Variants in ANK2 observed in about 807,000 individuals in gnomAD.
ANK2 encodes the protein ankyrin 2, also known as ankyrin-2.
A neutral mutation model predicts 360.5 loss-of-function variants in ANK2; 83 were observed. That is an observed-to-expected ratio of 0.23 (90% CI 0.19 to 0.28). ANK2 has a LOEUF of 0.28. ANK2 is among the 10% of genes least tolerant of loss of function. ANK2 has a pLI of 1.00. For missense variants in ANK2, 4,201 were observed against 4,795.7 expected (o/e 0.88, Z 3.66); for synonymous variants, 1,740 against 1,759.5 (o/e 0.99, Z 0.28).
chr4:113,080,721 C>T (rs951780781), intron 1 of ANK2, among the ~76,000 whole-genome samples: 10 of 152,142 alleles, frequency 6.6e-5, no homozygotes, highest in African/African-American at 2.4e-4. Context: ...GCCATGTCAC[C>T]TGTTGTTTCG....
intron 1 of ANK2, among the ~76,000 whole-genome samples, chr4:112,883,732 C>G (rs2077451117): frequency 1.3e-5 from 2 of 151,898 alleles, no homozygotes; most frequent in Non-Finnish European, 2.9e-5. Flanking sequence ...ACTTAGAACT[C>G]CATATTGCAG....
chr4:113,278,477 C>G lies in ANK2; in HGVS notation c.1800C>G (p.Leu600=). The change falls in exon 17 of 46, where the codon CTC becomes CTG. Residue 600 remains leucine (L), a synonymous_variant. Coordinates refer to ENST00000357077, the MANE Select transcript of ANK2 (RefSeq NM_001148.6). ...CTTTACAGAACGGCCTTACCCCGCT[C>G]CATGTTGCTGCTCATTATGACAACC... is the stretch of plus-strand genomic sequence containing the variant. ...DSAGKNGLTP[L]HVAAHYDNQK... is the part of the protein sequence containing the mutation. The G allele has an allele frequency of 6.2e-7, 1 of 1,613,974 alleles. No homozygotes were observed. The highest frequency in any genetic ancestry group is 8.5e-7 in the Non-Finnish European group (1 of 1,179,948).
At chr4:113,230,346 G>T (rs1029828694) in intron 4 of ANK2, among the ~76,000 whole-genome samples, 3 of 152,014 alleles carry the variant, frequency 2.0e-5, no homozygotes, top group East Asian at 1.9e-4. Context: ...GTATACAGAA[G>T]AATTTTTATT....
chr4:112,862,047 C>T (rs1560833036), intron 1 of ANK2, among the ~76,000 whole-genome samples: 2 of 152,164 alleles, frequency 1.3e-5, no homozygotes, highest in Non-Finnish European at 2.9e-5. Flanking sequence ...ACTTCTCTGC[C>T]TCAGTTTCCT....
chr4:113,303,946 T>TGTC (rs1242903458), intron 23 of ANK2, among the ~76,000 whole-genome samples: 3 of 152,234 alleles, frequency 2.0e-5, no homozygotes, highest in Admixed American at 6.5e-5. Flanking sequence ...TACATTGAGA[T>TGTC]GTCCTTATTT....
At chr4:112,826,177 G>A in intron 1 of ANK2, 1 of 289,780 alleles carries the variant, frequency 3.5e-6, no homozygotes, top group South Asian at 5.0e-5. Context: ...ATGGTAAGAT[G>A]AACTTGCCCC....
intron 2 of ANK2, among the ~76,000 whole-genome samples, chr4:112,940,766 G>T (rs1448135098): frequency 3.3e-5 from 5 of 152,000 alleles, no homozygotes. Context: ...TTTTTTGCAT[G>T]AAAAAATATA....
rs189580611 is a variant in ANK2 at position 113,204,729 on chromosome 4, C to T, written c.384+5620C>T. 4.6e-5 allele frequency among the ~76,000 whole-genome samples: 7 copies of T among 152,240 alleles called. No individual in the cohort carries two copies. In the East Asian group the frequency reaches 9.7e-4, roughly 21 times the overall value. ...CCTAGGCATACCTCAGTCTTTCCCA[C>T]TAAACTGTTGTACACCTTCTACTTG... On this transcript the variant is annotated intron_variant, in intron 4 of 45. Coordinates refer to ENST00000357077, the MANE Select transcript of ANK2 (RefSeq NM_001148.6).
In ANK2 at chr4:113,356,777, T is replaced by C; in HGVS notation, c.8159T>C (p.Phe2720Ser). ...FQPVVSKQYT[F>S]KMNEDTQEEP... Reference sequence around the variant, plus strand: ...CCTGTCGTTTCCAAACAATATACTTTCAAGATGAATGAAGATACTCAGGAA... The same window carrying C: ...CCTGTCGTTTCCAAACAATATACTTCCAAGATGAATGAAGATACTCAGGAA... The change falls in exon 38 of 46, where the codon TTC (phenylalanine) becomes TCC (serine). Residue 2720 changes from phenylalanine to serine, a missense_variant. Transcript: ENST00000357077. The C allele has an allele frequency of 6.2e-7, 1 of 1,614,050 alleles. No homozygotes were observed. Among genetic ancestry groups the C allele is most frequent in the Non-Finnish European group, 8.5e-7 (1 of 1,179,974 alleles).
rs544735923 is a variant in ANK2 at position 113,356,361 on chromosome 4, G to A, written c.7743G>A (p.Arg2581=). ...EDDSENGEKK[R]FTPEEEMFKM... is the part of the protein sequence containing the mutation. ...ATTCAGAAAACGGGGAGAAAAAGAG[G>A]TTCACACCTGAAGAGGAGATGTTTA... Residue 2581 remains arginine, a synonymous_variant, in exon 38 of 46, where the codon AGG becomes AGA. Transcript: ENST00000357077. 1 of 1,614,108 alleles carries A rather than the reference G, an allele frequency of 6.2e-7. No homozygotes were observed. The highest frequency in any genetic ancestry group is 8.5e-7 in the Non-Finnish European group (1 of 1,179,996).
chr4:112,877,400 A>AT (rs1206300951), intron 1 of ANK2, among the ~76,000 whole-genome samples: 1 of 152,152 alleles, frequency 6.6e-6, no homozygotes, highest in East Asian at 1.9e-4. Context: ...TCCAGCCTAG[A>AT]GTGCTGTGGT....
chr4:112,825,917 A>T (rs1271061213), intron 1 of ANK2, among the ~76,000 whole-genome samples: 1 of 152,126 alleles, frequency 6.6e-6, no homozygotes, highest in Non-Finnish European at 1.5e-5. Context: ...CCTTTCCTCC[A>T]TATATAGGGT....
intron 2 of ANK2, among the ~76,000 whole-genome samples, chr4:112,932,436 G>A (rs749769953): frequency 2.7e-5 from 4 of 148,152 alleles, no homozygotes; most frequent in Non-Finnish European, 5.9e-5. Context: ...AGCTTGCAGT[G>A]AGTTGAGATA....
chr4:112,750,643 G>A, the ANK2 span, among the ~76,000 whole-genome samples: 1 of 152,124 alleles, frequency 6.6e-6, no homozygotes, highest in Non-Finnish European at 1.5e-5. Flanking sequence ...TATTAAGAAA[G>A]TAAAGGAATA....
Position 113,367,794 on chromosome 4 carries a change from C to T in ANK2, c.11261C>T (p.Ser3754Leu). The T allele has an allele frequency of 6.2e-7, 1 of 1,614,050 alleles. No individual in the cohort carries two copies. The highest frequency in any genetic ancestry group is 8.5e-7 in the Non-Finnish European group (1 of 1,179,994). The change falls in exon 42 of 46, where the codon TCA (serine) becomes TTA (leucine). Residue 3754 changes from serine to leucine, a missense_variant. Around this residue, in one of 4 missense-constraint regions of ANK2, gnomAD observed 2,642 missense variants for 2,714.5 expected, o/e 0.97. Coordinates refer to ENST00000357077, the MANE Select transcript of ANK2 (RefSeq NM_001148.6). ...THKEQVQQDF[S>L]GKMQDLPEES... ...AAGGAGCAAGTTCAACAGGATTTCT[C>T]AGGGAAAATGCAAGACCTGCCTGAA...
chr4:113,155,427 G>A (rs1241390864), intron 1 of ANK2, among the ~76,000 whole-genome samples: 1 of 152,052 alleles, frequency 6.6e-6, no homozygotes, highest in Non-Finnish European at 1.5e-5. Flanking sequence ...TAAAGAAAGA[G>A]ATACCTAAAA....
intron 2 of ANK2, among the ~76,000 whole-genome samples, chr4:112,978,668 A>C (rs572700489): frequency 6.6e-6 from 1 of 152,180 alleles, no homozygotes; most frequent in East Asian, 1.9e-4. Flanking sequence ...TTCCTTTTTA[A>C]GGCTGAATAA....
At chr4:112,813,278 G>A (rs1345799048), upstream of ANK2, among the ~76,000 whole-genome samples, 1 of 150,424 alleles carries the variant, frequency 6.6e-6, no homozygotes, top group Non-Finnish European at 1.5e-5. Context: ...GGTCATTATG[G>A]AAACTTTCAA....
chr4:113,140,725 C>T (rs760048359), intron 1 of ANK2, among the ~76,000 whole-genome samples: 4 of 151,950 alleles, frequency 2.6e-5, no homozygotes, highest in Non-Finnish European at 5.9e-5. Context: ...ACACTTGTAA[C>T]CCTAGCACTT....
Sources: allele counts gnomAD v4.1 joint callset (sites outside exome capture counted in the v4.1 genomes callset), GRCh38; gene constraint gnomAD v4.1.1; regional missense constraint gnomAD v4.1.1; transcripts MANE v1.5; gene names NCBI Gene and HGNC (gene_info 2026-07-23, HGNC 2026-07-21).